COL15A1: variants seen among roughly 807,000 people sequenced by gnomAD.
COL15A1 encodes the protein collagen alpha-1(XV) chain.
COL15A1 carries 111 observed loss-of-function variants against 165.9 expected under a neutral mutation model. The ratio of observed to expected loss-of-function variants is 0.67; its 90% confidence interval spans 0.57 to 0.78. The LOEUF is 0.78. Ranked by LOEUF, COL15A1 falls within the 30% of genes least tolerant of loss-of-function variation. The pLI, the probability that COL15A1 is intolerant of heterozygous loss-of-function variation, is 0.00. For synonymous variants in COL15A1, 659 were observed against 674.8 expected, an observed-to-expected ratio of 0.98 and a Z score of 0.36; for missense variants, 1,745 against 1,789.7, an observed-to-expected ratio of 0.98 and a Z score of 0.45.
intron 2 of COL15A1, among the ~76,000 whole-genome samples, chr9:98,948,854 G>A (rs1837631974): frequency 6.6e-6 from 1 of 152,214 alleles, no homozygotes; most frequent in Non-Finnish European, 1.5e-5. Flanking sequence ...TGTTTAAACT[G>A]TTTTATTGTG....
At chr9:99,047,640 C>A in intron 26 of COL15A1, 146 bp from the exon 27 acceptor site, 1 of 790,932 alleles carries the variant, frequency 1.3e-6, no homozygotes, top group Non-Finnish European at 2.2e-6. Flanking sequence ...AGGCCGCAGG[C>A]AGGGGCTTCT....
At chr9:99,017,749 C>T (rs1838960471) in intron 11 of COL15A1, among the ~76,000 whole-genome samples, 2 of 152,142 alleles carry the variant, frequency 1.3e-5, no homozygotes, top group South Asian at 2.1e-4. Flanking sequence ...ACACAAAGCA[C>T]CAAGTTCAAA....
chr9:99,022,948 T>C (rs1839052957), intron 13 of COL15A1, among the ~76,000 whole-genome samples: 3 of 152,232 alleles, frequency 2.0e-5, no homozygotes, highest in Non-Finnish European at 2.9e-5. Flanking sequence ...GAGGAGCCGA[T>C]GGACCCACGC....
chr9:99,061,624 G>C (rs1036125120), intron 36 of COL15A1, among the ~76,000 whole-genome samples: 1 of 152,208 alleles, frequency 6.6e-6, no homozygotes, highest in African/African-American at 2.4e-5. Flanking sequence ...TAAAAAAATA[G>C]AAGTGGTAAA....
intron 3 of COL15A1, 33 bp from the exon 4 acceptor site, chr9:98,987,261 A>C (rs1256794508): frequency 6.2e-7 from 1 of 1,606,014 alleles, no homozygotes; most frequent in Non-Finnish European, 8.5e-7. Context: ...TGTACGTGCA[A>C]ACCGTGGCTT....
chr9:99,015,230 T>C (rs978761730), intron 9 of COL15A1, among the ~76,000 whole-genome samples, 187 bp from the exon 10 acceptor site: 15 of 152,046 alleles, frequency 9.9e-5, no homozygotes, highest in Non-Finnish European at 1.3e-4. Flanking sequence ...GGTGGGAGGA[T>C]GCCCTGAAAG....
chr9:98,980,160 CA>C (rs11343445), intron 2 of COL15A1, among the ~76,000 whole-genome samples: 71,260 of 143,594 alleles, frequency 0.5, 17,913 homozygotes, highest in African/African-American at 0.67. Flanking sequence ...ACTCTTGTCT[CA>C]AAAAAAAAAA....
chr9:99,036,486 C>G, intron 21 of COL15A1, 90 bp downstream of exon 21: 1 of 1,395,400 alleles, frequency 7.2e-7, no homozygotes, highest in Non-Finnish European at 1.0e-6. Flanking sequence ...AAGCTTCTGG[C>G]TATGCAGGAG....
At chr9:98,991,457 C>A (rs931777602) in intron 5 of COL15A1, among the ~76,000 whole-genome samples, 1 of 152,128 alleles carries the variant, frequency 6.6e-6, no homozygotes, top group African/African-American at 2.4e-5. Context: ...CACAAAAGTT[C>A]TCCAAGTCCC....
At chr9:99,015,657 CCT>C in intron 10 of COL15A1, 91 bp downstream of exon 10, 1 of 1,274,606 alleles carries the variant, frequency 7.8e-7, no homozygotes, top group Non-Finnish European at 1.1e-6. Flanking sequence ...GGCAGGGGCA[CCT>C]GTAGCTTGGT....
Position 98,943,950 on chromosome 9 carries a change from T to G in COL15A1, c.-112T>G, listed in dbSNP as rs1048388097. On this transcript the variant is annotated 5_prime_UTR_variant, in exon 1 of 42. Coordinates refer to ENST00000375001, the MANE Select transcript of COL15A1 (RefSeq NM_001855.5). ...GCTGCCGAGCGCCGCCTTTGTTCCC[T>G]GCAGGAAGGGCGAGCGCGGCGGCCA... 2 of 1,486,744 alleles carry G rather than the reference T, an allele frequency of 1.3e-6. No homozygotes were observed. Among genetic ancestry groups the G allele is most frequent in the Non-Finnish European group, 1.8e-6 (2 of 1,091,866 alleles). The allele number at this position is 1,486,744 out of a possible 1,614,324, so 92.1% of individuals were successfully genotyped here.
chr9:99,068,848 A>G (rs1193307491), intron 41 of COL15A1, among the ~76,000 whole-genome samples, 178 bp downstream of exon 41: 1 of 152,338 alleles, frequency 6.6e-6, no homozygotes, highest in East Asian at 1.9e-4. Flanking sequence ...CAGGTCCAGT[A>G]ACTCAATATG....
At chr9:98,974,451 AAG>A (rs1428222852) in intron 2 of COL15A1, among the ~76,000 whole-genome samples, 1 of 152,144 alleles carries the variant, frequency 6.6e-6, no homozygotes, top group East Asian at 1.9e-4. Context: ...ACCGTCCCAG[AAG>A]ATGCAAGAAC....
chr9:98,979,138 ATTT>A (rs1838190014), intron 2 of COL15A1, among the ~76,000 whole-genome samples: 1 of 152,192 alleles, frequency 6.6e-6, no homozygotes, highest in South Asian at 2.1e-4. Flanking sequence ...AAAGATGGGA[ATTT>A]TAGGTAAATT....
chr9:99,035,419 G>T lies in COL15A1; in HGVS notation c.2289+1G>T. ...ACTCTCCAGACCAACGGCTGCAATT[G>T]TAGGTCGCCTCTGAAACCTTCATTA... On this transcript the variant is annotated splice_donor_variant, in intron 19 of 41. Transcript: ENST00000375001. LOFTEE classifies it high-confidence loss of function. 6.2e-7 allele frequency: 1 copy of T among 1,614,136 alleles called. No individual in the cohort carries two copies. Among genetic ancestry groups the T allele is most frequent in the Non-Finnish European group, 8.5e-7 (1 of 1,180,044 alleles).
Position 98,944,076 on chromosome 9 carries a change from A to G in COL15A1, c.11+4A>G, listed in dbSNP as rs749263521. 3 of 1,614,002 alleles carry G rather than the reference A, an allele frequency of 1.9e-6. No individual in the cohort carries two copies. The highest frequency in any genetic ancestry group is 2.5e-6 in the Non-Finnish European group (3 of 1,179,976). On this transcript the variant is annotated splice_donor_region_variant and intron_variant, in intron 1 of 41. Coordinates refer to ENST00000375001, the MANE Select transcript of COL15A1 (RefSeq NM_001855.5). ...AGACCCGCGAGATGGCACCAAGGTA[A>G]GACCCGCTTCTCTGCTTCCTCGCGT...
intron 36 of COL15A1, among the ~76,000 whole-genome samples, chr9:99,060,674 C>G (rs545034204): frequency 1.3e-5 from 2 of 152,188 alleles, no homozygotes; most frequent in African/African-American, 4.8e-5. Context: ...TCACTTGAGT[C>G]TAGGAGTTCA....
intron 19 of COL15A1, 81 bp from the exon 20 acceptor site, chr9:99,036,089 A>C: frequency 8.6e-7 from 1 of 1,158,760 alleles, no homozygotes; most frequent in Non-Finnish European, 1.3e-6. Context: ...ATAAAAGCTT[A>C]GGGGGAGATG....
intron 2 of COL15A1, among the ~76,000 whole-genome samples, chr9:98,974,472 C>T (rs542914250): frequency 1.8e-4 from 28 of 152,184 alleles, no homozygotes; most frequent in Non-Finnish European, 3.5e-4. Flanking sequence ...ACCCCACCCT[C>T]CCAACTTGCT....
Sources: allele counts gnomAD v4.1 joint callset (sites outside exome capture counted in the v4.1 genomes callset), GRCh38; gene constraint gnomAD v4.1.1; transcripts MANE v1.5; gene names NCBI Gene and HGNC (gene_info 2026-07-23, HGNC 2026-07-21).